The following C1orf94 variants were observed in gnomAD, a reference collection of about 807,000 sequenced individuals.
C1orf94 encodes uncharacterized protein C1orf94.
C1orf94 carries 45 observed loss-of-function variants against 53.6 expected under a neutral mutation model. The ratio of observed to expected loss-of-function variants is 0.84; its 90% CI spans 0.66 to 1.08. The LOEUF (loss-of-function observed/expected upper bound fraction) is 1.08. C1orf94 is among the 50% of genes least tolerant of loss of function. The pLI is 0.00. For missense variants in C1orf94, 762 were observed against 738.9 expected (o/e 1.03, Z -0.36); for synonymous variants, 304 against 296.1 (o/e 1.03, Z -0.27).
chr1:34,199,527 G>C lies in C1orf94; in HGVS notation c.1010-1245G>C, dbSNP rs551134787. Among the ~76,000 whole-genome samples, 316 of 152,336 alleles carry C rather than the reference G, an allele frequency of 2.1e-3. 1 individual carries two copies. Among genetic ancestry groups the C allele is most frequent in the African/African-American group, 7.3e-3 (303 of 41,578 alleles). On this transcript the variant is annotated intron_variant, in intron 2 of 6. Coordinates refer to ENST00000488417, the MANE Select transcript of C1orf94 (RefSeq NM_001134734.2). ...GCTCAGCCCCCAAGCCGCTGGGCTA[G>C]GGGGCCAAAAGCTGGTGGGATCTGG...
chr1:34,171,492 T>C (rs1642144642), intron 1 of C1orf94, among the ~76,000 whole-genome samples: 1 of 152,214 alleles, frequency 6.6e-6, no homozygotes, highest in African/African-American at 2.4e-5. Flanking sequence ...GATGGTTAAG[T>C]AGGTGCTCAG....
At chr1:34,205,325 C>T (rs971727902) in intron 4 of C1orf94, among the ~76,000 whole-genome samples, 1 of 152,190 alleles carries the variant, frequency 6.6e-6, no homozygotes, top group African/African-American at 2.4e-5. Flanking sequence ...TAAGGAAGGA[C>T]AGCATAATTT....
intron 1 of C1orf94, among the ~76,000 whole-genome samples, chr1:34,183,221 G>A (rs913591898): frequency 6.6e-6 from 1 of 152,216 alleles, no homozygotes; most frequent in African/African-American, 2.4e-5. Flanking sequence ...TCCAAAATCT[G>A]GTTCAGTTAT....
At position 34,197,785 on chromosome 1, in the gene C1orf94, C is replaced by A. The variant is rs758352765; in HGVS notation, c.881C>A (p.Pro294His). The change falls in exon 2 of 7, where the codon CCC becomes CAC. Residue 294 changes from proline to histidine, a missense_variant. Pro to His is a moderately conservative substitution (Grantham distance 77). Transcript: ENST00000488417. The surrounding 1 kb of genome is among the most constrained non-coding windows in gnomAD (Gnocchi z 4.1). ...TGLSPFLLLPPRPPPARPDKL... is the reference protein window; with the variant it reads ...TGLSPFLLLPHRPPPARPDKL... ...CTGAGCCCATTTCTGCTGCTGCCTC[C>A]CCGACCTCCTCCTGCACGTCCTGAC... 1.9e-6 allele frequency: 3 copies of A among 1,614,216 alleles called. No homozygotes were observed. The Admixed American group carries it at 5.0e-5, about 27-fold the overall frequency.
chr1:34,212,555 T>A, intron 6 of C1orf94, 149 bp downstream of exon 6: 1 of 848,500 alleles, frequency 1.2e-6, no homozygotes, highest in Non-Finnish European at 1.8e-6. Flanking sequence ...GGTGGTTGTG[T>A]GGGTCCTGGA....
At chr1:34,199,295 G>A (rs1642655014) in intron 2 of C1orf94, among the ~76,000 whole-genome samples, 1 of 152,244 alleles carries the variant, frequency 6.6e-6, no homozygotes, top group African/African-American at 2.4e-5. Context: ...AGCTGCAGGT[G>A]TGTGTGTCTC....
In C1orf94 at chr1:34,218,694, C is replaced by T. The variant is rs778778623; in HGVS notation, c.1730C>T (p.Ser577Leu). 43 of 1,611,700 alleles carry T rather than the reference C, an allele frequency of 2.7e-5. No individual in the cohort carries two copies. The highest frequency in any genetic ancestry group is 1.6e-4 in the Middle Eastern group (1 of 6,064). ...YLFPQGYGFG[S>L]TSGGPLMHSP... ...CCCTCCCTCTCTTCCAGGTTCGGCT[C>T]GACATCCGGAGGGCCCTTGATGCAC... The change falls in exon 7 of 7, where the codon TCG becomes TTG. Residue 577 changes from serine (S) to leucine (L), a missense_variant. Coordinates refer to ENST00000488417, the MANE Select transcript of C1orf94 (RefSeq NM_001134734.2).
intron 1 of C1orf94, among the ~76,000 whole-genome samples, chr1:34,179,831 A>G (rs1642289004): frequency 6.6e-6 from 1 of 152,204 alleles, no homozygotes; most frequent in East Asian, 1.9e-4. Flanking sequence ...CTGTGGAGTC[A>G]AGTGGGCTGG....
chr1:34,197,122 A>G lies in C1orf94; in HGVS notation c.321-103A>G. On this transcript the variant is annotated intron_variant, in intron 1 of 6. Transcript: ENST00000488417. This position sits in a 1 kb window ranked among gnomAD's most constrained non-coding sequence, Gnocchi z 4.1. ...TCTTGCCTGGAAGTGTGTTTTTGTC[A>G]TGTTATGCATCCATCTCCCTTTTCT... 1 of 1,061,164 alleles carries G rather than the reference A, an allele frequency of 9.4e-7. No individual in the cohort carries two copies. The highest frequency in any genetic ancestry group is 1.3e-6 in the Non-Finnish European group (1 of 744,430). 65.7% of individuals were successfully genotyped at this position (1,061,164 alleles called of 1,614,324 possible). A position where few individuals can be genotyped will look rare whatever the true frequency, so the allele number is the denominator to read the frequency against.
At chr1:34,184,948 A>C (rs576931286) in intron 1 of C1orf94, among the ~76,000 whole-genome samples, 4 of 152,232 alleles carry the variant, frequency 2.6e-5, no homozygotes, top group African/African-American at 9.6e-5. Flanking sequence ...GCCAGCTCTG[A>C]AGATCTTTGG....
In C1orf94 at chr1:34,197,724, C is replaced by G; in HGVS notation, c.820C>G (p.Leu274Val). ...RVTKDFLQDNLFSGPGPKEPT... is the reference protein window; with the variant it reads ...RVTKDFLQDNVFSGPGPKEPT... ...CACCAAGGACTTCCTACAGGACAAC[C>G]TGTTCAGTGGCCCTGGACCCAAGGA... The change falls in exon 2 of 7, where the codon CTG becomes GTG. Residue 274 changes from leucine (L) to valine (V), a missense_variant. Coordinates refer to ENST00000488417, the MANE Select transcript of C1orf94 (RefSeq NM_001134734.2). This position sits in a 1 kb window ranked among gnomAD's most constrained non-coding sequence, Gnocchi z 4.1. 6.2e-7 allele frequency: 1 copy of G among 1,614,162 alleles called. No homozygotes were observed. Among genetic ancestry groups the G allele is most frequent in the Non-Finnish European group, 8.5e-7 (1 of 1,180,014 alleles).
At chr1:34,192,717 G>A (rs757799957) in intron 1 of C1orf94, among the ~76,000 whole-genome samples, 4 of 152,168 alleles carry the variant, frequency 2.6e-5, no homozygotes, top group African/African-American at 7.2e-5. Context: ...TTAAAAATAG[G>A]CAGGAAAGGC....
intron 1 of C1orf94, among the ~76,000 whole-genome samples, chr1:34,167,368 G>T (rs1382065221): frequency 6.6e-6 from 1 of 152,224 alleles, no homozygotes; most frequent in African/African-American, 2.4e-5. Context: ...TAATTCTGGG[G>T]CTGCAGGCCA....
At chr1:34,182,669 A>G (rs984708959) in intron 1 of C1orf94, among the ~76,000 whole-genome samples, 10 of 152,204 alleles carry the variant, frequency 6.6e-5, no homozygotes, top group African/African-American at 2.4e-4. Flanking sequence ...AGACACATTG[A>G]GGCTCATGCT....
chr1:34,181,559 G>T (rs1400451957), intron 1 of C1orf94, among the ~76,000 whole-genome samples: 2 of 152,186 alleles, frequency 1.3e-5, no homozygotes, highest in African/African-American at 4.8e-5. Flanking sequence ...GAAACTAGGG[G>T]GATGGAGCTG....
chr1:34,215,908 A>G (rs1642980107), intron 6 of C1orf94, among the ~76,000 whole-genome samples: 1 of 152,186 alleles, frequency 6.6e-6, no homozygotes, highest in Admixed American at 6.5e-5. Flanking sequence ...CGGGAGGCTG[A>G]GGCAGGAGAA....
chr1:34,176,754 C>T (rs1040038535), upstream of C1orf94, among the ~76,000 whole-genome samples: 2 of 152,188 alleles, frequency 1.3e-5, no homozygotes, highest in African/African-American at 2.4e-5. Flanking sequence ...CGGGGGACCC[C>T]CAGGCAGGAG....
At chr1:34,189,050 C>G (rs1642435698) in intron 1 of C1orf94, among the ~76,000 whole-genome samples, 1 of 151,918 alleles carries the variant, frequency 6.6e-6, no homozygotes, top group South Asian at 2.1e-4. Flanking sequence ...TGTGTATGTG[C>G]ATGGGTGTGG....
At chr1:34,176,697 G>A (rs903614330), upstream of C1orf94, among the ~76,000 whole-genome samples, 16 of 152,182 alleles carry the variant, frequency 1.1e-4, no homozygotes, top group Non-Finnish European at 2.2e-4. Context: ...GCTTGGCACA[G>A]GGCAAGCGCC....
Sources: gnomAD v4.1 joint callset for allele counts (sites outside exome capture counted in the v4.1 genomes callset) on GRCh38, gnomAD v4.1.1 for gene constraint, Gnocchi (gnomAD v3.1) non-coding constraint, MANE v1.5 for transcripts, NCBI Gene and HGNC (gene_info 2026-07-23, HGNC 2026-07-21) for gene names.